Variants in ARHGAP24 observed in about 807,000 individuals in gnomAD.
ARHGAP24 encodes the protein Rho GTPase activating protein 24.
ARHGAP24 carries 50 observed loss-of-function variants against 76.4 expected under a neutral mutation model. The observed-to-expected ratio is 0.65, with a 90% confidence interval of 0.52 to 0.83. The LOEUF is 0.83. ARHGAP24 is among the 40% of genes least tolerant of loss of function. The pLI is 0.00. For synonymous variants in ARHGAP24, 345 were observed against 323.3 expected (o/e 1.07, Z -0.72); for missense variants, 930 against 914.2 (o/e 1.02, Z -0.22).
intron 2 of ARHGAP24, among the ~76,000 whole-genome samples, chr4:85,576,158 A>G (rs920799026): frequency 6.6e-6 from 1 of 152,206 alleles, no homozygotes; most frequent in Non-Finnish European, 1.5e-5. Context: ...GGCTGGGCGC[A>G]GTGGCTCACG....
At chr4:85,807,525 A>G (rs1218493825) in intron 3 of ARHGAP24, among the ~76,000 whole-genome samples, 1 of 152,192 alleles carries the variant, frequency 6.6e-6, no homozygotes, top group Non-Finnish European at 1.5e-5. Context: ...CTTCAATCAT[A>G]CCCATTATTG....
chr4:85,908,279 C>T (rs1734878349), intron 3 of ARHGAP24, among the ~76,000 whole-genome samples: 1 of 152,216 alleles, frequency 6.6e-6, no homozygotes. Context: ...CCTGACTCTG[C>T]TCAGTTCATG....
chr4:85,840,500 A>G (rs1476601048), intron 3 of ARHGAP24, among the ~76,000 whole-genome samples: 1 of 151,996 alleles, frequency 6.6e-6, no homozygotes, highest in African/African-American at 2.4e-5. Context: ...GGTCTGTCCC[A>G]CTCTACACGT....
chr4:85,524,606 G>C (rs1253100063), intron 1 of ARHGAP24, among the ~76,000 whole-genome samples: 1 of 152,136 alleles, frequency 6.6e-6, no homozygotes, highest in Non-Finnish European at 1.5e-5. Flanking sequence ...CTTGCATAAG[G>C]CCACACAGCA....
chr4:85,897,520 G>A (rs1016511), intron 3 of ARHGAP24, among the ~76,000 whole-genome samples: 24,578 of 152,076 alleles, frequency 0.16, 2,096 homozygotes, highest in South Asian at 0.3. Flanking sequence ...CTGACTTTCT[G>A]ATACAAGTCA....
intron 2 of ARHGAP24, among the ~76,000 whole-genome samples, chr4:85,696,921 G>A (rs958405513): frequency 1.3e-5 from 2 of 152,228 alleles, no homozygotes; most frequent in African/African-American, 4.8e-5. Flanking sequence ...AAGAGGCATT[G>A]AAAGGGATGA....
intron 4 of ARHGAP24, 117 bp downstream of exon 4, chr4:85,923,887 A>T: frequency 7.0e-7 from 1 of 1,436,442 alleles, no homozygotes; most frequent in Non-Finnish European, 9.7e-7. Context: ...GTTAAAATAA[A>T]TTGTAAATTG....
At chr4:85,852,020 C>G (rs1163183952) in intron 3 of ARHGAP24, among the ~76,000 whole-genome samples, 1 of 152,164 alleles carries the variant, frequency 6.6e-6, no homozygotes, top group Non-Finnish European at 1.5e-5. Context: ...GGGAAGTTCT[C>G]CTGAATAATA....
chr4:85,990,828 A>C (rs1253264656), intron 8 of ARHGAP24: 1 of 151,986 alleles, frequency 6.6e-6, no homozygotes, highest in Non-Finnish European at 1.5e-5. Context: ...TATAGAAGAA[A>C]ATAATTTTAA....
At chr4:85,817,128 C>G (rs1306587477) in intron 3 of ARHGAP24, among the ~76,000 whole-genome samples, 1 of 152,044 alleles carries the variant, frequency 6.6e-6, no homozygotes, top group Non-Finnish European at 1.5e-5. Context: ...CATTTGTTTT[C>G]TCTTTATTAA....
At chr4:85,511,890 G>A (rs189794915) in intron 1 of ARHGAP24, among the ~76,000 whole-genome samples, 3 of 152,286 alleles carry the variant, frequency 2.0e-5, no homozygotes, top group African/African-American at 7.2e-5. Flanking sequence ...GTGGTTTGCT[G>A]GAAATCCTTG....
At chr4:85,640,663 C>T (rs896633804) in intron 2 of ARHGAP24, among the ~76,000 whole-genome samples, 2 of 152,138 alleles carry the variant, frequency 1.3e-5, no homozygotes, top group African/African-American at 4.8e-5. Context: ...CCTTTGCCCT[C>T]AAAGGATTTA....
At chr4:85,670,811 A>C (rs550958527) in intron 2 of ARHGAP24, among the ~76,000 whole-genome samples, 1 of 152,150 alleles carries the variant, frequency 6.6e-6, no homozygotes, top group African/African-American at 2.4e-5. Context: ...AGTCAAGCTG[A>C]TCATGGGTTT....
intron 3 of ARHGAP24, among the ~76,000 whole-genome samples, chr4:85,911,386 C>CA (rs1007612899): frequency 2.6e-5 from 4 of 150,958 alleles, no homozygotes; most frequent in East Asian, 1.9e-4. Flanking sequence ...AATACATAAC[C>CA]AAAAAAAAGA....
chr4:85,907,747 T>G (rs1361122196), intron 3 of ARHGAP24, among the ~76,000 whole-genome samples: 2 of 152,178 alleles, frequency 1.3e-5, no homozygotes, highest in Non-Finnish European at 2.9e-5. Context: ...GTGTCTTAAT[T>G]TTCATTGTAT....
chr4:85,738,405 CATTATT>C (rs1243287163), intron 3 of ARHGAP24, among the ~76,000 whole-genome samples: 2 of 77,010 alleles, frequency 2.6e-5, no homozygotes, highest in South Asian at 8.3e-4. Context: ...TTATTATTAT[CATTATT>C]ATTATTATTA....
chr4:85,744,762 A>G (rs771186015), intron 3 of ARHGAP24, among the ~76,000 whole-genome samples: 1 of 152,228 alleles, frequency 6.6e-6, no homozygotes, highest in Non-Finnish European at 1.5e-5. Flanking sequence ...TTGGTTTGGG[A>G]TATTTTTTCA....
At chr4:85,520,849 TAG>T (rs1724715097) in intron 1 of ARHGAP24, among the ~76,000 whole-genome samples, 1 of 152,104 alleles carries the variant, frequency 6.6e-6, no homozygotes, top group Non-Finnish European at 1.5e-5. Flanking sequence ...CCAATGAAGA[TAG>T]AGAGGCACAG....
At chr4:85,483,648 A>T (rs1359142047) in intron 1 of ARHGAP24, among the ~76,000 whole-genome samples, 1 of 152,130 alleles carries the variant, frequency 6.6e-6, no homozygotes, top group African/African-American at 2.4e-5. Context: ...CAAAAATAAA[A>T]AATATAAATA....
Sources: allele counts gnomAD v4.1 joint callset (sites outside exome capture counted in the v4.1 genomes callset), GRCh38; gene constraint gnomAD v4.1.1; transcripts MANE v1.5; gene names NCBI Gene and HGNC (gene_info 2026-07-23, HGNC 2026-07-21).